CSTPP1: variants seen among roughly 807,000 people sequenced by gnomAD.
CSTPP1 encodes centriolar satellite-associated tubulin polyglutamylase complex regulator 1, also known as UPF0705 protein C11orf49.
the CSTPP1 span, among the ~76,000 whole-genome samples, chr11:47,062,386 T>C: frequency 6.6e-6 from 1 of 152,204 alleles, no homozygotes; most frequent in East Asian, 1.9e-4. Flanking sequence ...ATTCATTTTA[T>C]CAGAGGATAG....
the CSTPP1 span, among the ~76,000 whole-genome samples, chr11:47,082,860 A>T: frequency 8.6e-5 from 13 of 151,866 alleles, no homozygotes; most frequent in Non-Finnish European, 1.6e-4. Flanking sequence ...GGTTTCTTTC[A>T]CTCAATGTTT....
the CSTPP1 span, among the ~76,000 whole-genome samples, chr11:46,965,703 A>G: frequency 1.3e-5 from 2 of 152,220 alleles, no homozygotes; most frequent in African/African-American, 4.8e-5. Context: ...GTTGAAGAAT[A>G]TGAAGGAAGT....
chr11:47,013,108 T>C, the CSTPP1 span, among the ~76,000 whole-genome samples: 1 of 147,716 alleles, frequency 6.8e-6, no homozygotes. Context: ...TATTATTATA[T>C]AAATAACATA....
chr11:46,969,808 A>G, the CSTPP1 span, among the ~76,000 whole-genome samples: 1 of 152,176 alleles, frequency 6.6e-6, no homozygotes, highest in African/African-American at 2.4e-5. Flanking sequence ...TCTGTCACCC[A>G]GGCTAGAGTG....
At chr11:46,985,903 A>G in the CSTPP1 span, among the ~76,000 whole-genome samples, 9 of 152,166 alleles carry the variant, frequency 5.9e-5, no homozygotes, top group African/African-American at 2.2e-4. Context: ...GGAGCTCTCA[A>G]CTCTCTGTAA....
chr11:47,110,956 C>G, the CSTPP1 span, among the ~76,000 whole-genome samples: 2 of 144,478 alleles, frequency 1.4e-5, no homozygotes, highest in African/African-American at 5.1e-5. Context: ...GTGGCGCAAT[C>G]ACGGCTCACT....
At chr11:46,971,958 GC>G in the CSTPP1 span, among the ~76,000 whole-genome samples, 1 of 152,126 alleles carries the variant, frequency 6.6e-6, no homozygotes, top group Non-Finnish European at 1.5e-5. Context: ...AAAGAAAAAA[GC>G]TAGGTGACCT....
chr11:46,993,203 T>C, the CSTPP1 span, among the ~76,000 whole-genome samples: 1 of 152,230 alleles, frequency 6.6e-6, no homozygotes, highest in South Asian at 2.1e-4. Flanking sequence ...TTCACTCTGA[T>C]GGTAGTTTCT....
the CSTPP1 span, among the ~76,000 whole-genome samples, chr11:47,031,806 A>G: frequency 1.3e-5 from 2 of 151,668 alleles, no homozygotes; most frequent in Admixed American, 6.6e-5. Context: ...AGATTTATAT[A>G]TATAAAGGGG....
chr11:47,052,454 C>G, the CSTPP1 span: 4 of 1,614,122 alleles, frequency 2.5e-6, no homozygotes, highest in South Asian at 3.3e-5. Context: ...AAGCCACCCC[C>G]CACAATAGGG....
chr11:47,161,057 G>A, the CSTPP1 span: 9 of 1,592,356 alleles, frequency 5.7e-6, no homozygotes, highest in East Asian at 6.7e-5. Context: ...GAAGGTGAGG[G>A]GCATGGAGGA....
At chr11:47,115,951 ATTTAATGCTATAAATTT>A in the CSTPP1 span, among the ~76,000 whole-genome samples, 1 of 152,186 alleles carries the variant, frequency 6.6e-6, no homozygotes, top group East Asian at 1.9e-4. Context: ...TCTTGTGGGC[ATTTAATGCTATAAATTT>A]CCCTCTACAC....
At chr11:47,070,885 A>T in the CSTPP1 span, among the ~76,000 whole-genome samples, 2 of 151,832 alleles carry the variant, frequency 1.3e-5, no homozygotes. Flanking sequence ...TCCAACCACT[A>T]CTCTCCTACT....
At chr11:46,977,180 A>C in the CSTPP1 span, among the ~76,000 whole-genome samples, 1 of 152,228 alleles carries the variant, frequency 6.6e-6, no homozygotes, top group Admixed American at 6.5e-5. Flanking sequence ...TAATGTTATC[A>C]GTGCTGGGGC....
At chr11:47,155,846 C>T in the CSTPP1 span, 3 of 154,310 alleles carry the variant, frequency 1.9e-5, no homozygotes, top group African/African-American at 4.8e-5. Context: ...TACACCAGTC[C>T]TTTGTCACAC....
At chr11:47,135,982 T>C in the CSTPP1 span, among the ~76,000 whole-genome samples, 1 of 151,830 alleles carries the variant, frequency 6.6e-6, no homozygotes, top group African/African-American at 2.4e-5. Context: ...AGTAACTCTC[T>C]CTCTCTCTCT....
chr11:46,964,727 T>G, the CSTPP1 span, among the ~76,000 whole-genome samples: 3 of 152,166 alleles, frequency 2.0e-5, no homozygotes, highest in Non-Finnish European at 4.4e-5. Context: ...GTAGGATATA[T>G]CTATCAAATT....
At chr11:46,998,861 G>A in the CSTPP1 span, among the ~76,000 whole-genome samples, 5 of 151,922 alleles carry the variant, frequency 3.3e-5, no homozygotes, top group South Asian at 4.1e-4. Context: ...TCAGCCTCCC[G>A]AGTATCTGGG....
chr11:47,038,274 G>T, the CSTPP1 span, among the ~76,000 whole-genome samples: 1 of 113,564 alleles, frequency 8.8e-6, no homozygotes, highest in African/African-American at 2.7e-5. Context: ...CTGGCCGGGC[G>T]GGGGGCTGAC....
Sources: gnomAD v4.1 joint callset for allele counts (sites outside exome capture counted in the v4.1 genomes callset) on GRCh38, gnomAD v4.1.1 for gene constraint, MANE v1.5 for transcripts, NCBI Gene and HGNC (gene_info 2026-07-23, HGNC 2026-07-21) for gene names.